CPLX1: variants seen among roughly 807,000 people sequenced by gnomAD.
CPLX1 encodes the protein complexin 1.
In CPLX1, 6 loss-of-function variants were observed where a neutral mutation model predicts 15.6. The ratio of observed to expected loss-of-function variants is 0.39; its 90% CI spans 0.21 to 0.76. The LOEUF (loss-of-function observed/expected upper bound fraction) is 0.76. Ranked by LOEUF, CPLX1 falls within the 30% of genes least tolerant of loss-of-function variation. CPLX1 has a pLI of 0.43. For synonymous variants in CPLX1, 91 were observed against 75.2 expected (o/e 1.21, Z -1.08); for missense variants, 242 against 188.6 (o/e 1.28, Z -1.66).
chr4:800,399 C>A lies in CPLX1; in HGVS notation c.32-7791G>T, dbSNP rs369805021. ...CCTGTAATCCCAGCACTTTGGGAGG[C>A]CAAGGCGGGCAGATGAATTGAGGTC... On this transcript the variant is annotated intron_variant, in intron 2 of 3. Coordinates refer to ENST00000304062, the MANE Select transcript of CPLX1 (RefSeq NM_006651.4). Among the ~76,000 whole-genome samples the A allele has an allele frequency of 1.3e-4, 19 of 151,860 alleles. No homozygotes were observed. The South Asian group carries it at 2.7e-3, about 22-fold the overall frequency.
intron 2 of CPLX1, among the ~76,000 whole-genome samples, chr4:810,920 C>T (rs1300073590): frequency 6.6e-6 from 1 of 152,068 alleles, no homozygotes; most frequent in Non-Finnish European, 1.5e-5. Context: ...TGGTCTCGAA[C>T]TCCTGAGCTC....
chr4:814,585 T>C (rs1746715342), intron 2 of CPLX1, among the ~76,000 whole-genome samples: 1 of 152,218 alleles, frequency 6.6e-6, no homozygotes, highest in Admixed American at 6.5e-5. Context: ...CACAGCATCC[T>C]CTCTGCCAGG....
intron 2 of CPLX1, among the ~76,000 whole-genome samples, chr4:797,583 C>A (rs1746366250): frequency 1.3e-5 from 2 of 151,850 alleles, no homozygotes; most frequent in African/African-American, 4.8e-5. Context: ...GCCTCGGCCT[C>A]CCAAAGTGCT....
chr4:788,564 C>T (rs1168844730), intron 3 of CPLX1: 13 of 985,294 alleles, frequency 1.3e-5, no homozygotes, highest in Non-Finnish European at 1.6e-5. Context: ...GGGCGACACC[C>T]AGAGGGCCCT....
In CPLX1 at chr4:786,591, G is replaced by A. The variant is rs1553851860; in HGVS notation, c.315C>T (p.Cys105=). The change falls in exon 4 of 4, where the codon TGC becomes TGT. Residue 105 remains cysteine (C), a synonymous_variant. Coordinates refer to ENST00000304062, the MANE Select transcript of CPLX1 (RefSeq NM_006651.4). ...TRPKKAIPPG[C]GDEVEEEDES... The stretch of plus-strand genomic sequence containing the variant: ...CGTCCTCCTCCTCCACCTCGTCCCC[G>A]CAGCCCGGCGGGATGGCCTTCTTGG... 10 of 1,611,086 alleles carry A rather than the reference G, an allele frequency of 6.2e-6. No individual in the cohort carries two copies. The highest frequency in any genetic ancestry group is 1.7e-4 in the Middle Eastern group (1 of 6,044).
chr4:793,087 T>C (rs530495977), intron 2 of CPLX1, among the ~76,000 whole-genome samples: 1 of 152,328 alleles, frequency 6.6e-6, no homozygotes, highest in East Asian at 1.9e-4. Context: ...TGTCGTCTTG[T>C]GGTTGCGCGT....
In CPLX1 at chr4:786,496, C is replaced by CGGG. The variant is rs757423908; in HGVS notation, c.*4_*5insCCC. 3.2e-6 allele frequency: 5 copies of CGGG among 1,559,730 alleles called. No homozygotes were observed. The highest frequency in any genetic ancestry group is 2.4e-5 in the East Asian group (1 of 42,076). On this transcript the variant is annotated 3_prime_UTR_variant, in exon 4 of 4. Transcript: ENST00000304062. ...GGCTCCGCGGGGCCGCTGTCCCGCG[C>CGGG]GCGGCTACTTCTTGAGCATGTCCTG...
chr4:787,327 G>C, intron 3 of CPLX1: 1 of 985,396 alleles, frequency 1.0e-6, no homozygotes, highest in Non-Finnish European at 1.2e-6. Context: ...GGGCCTCACC[G>C]ACCCCCTGCC....
chr4:787,766 A>G (rs1314797326), intron 3 of CPLX1: 6 of 984,906 alleles, frequency 6.1e-6, no homozygotes, highest in Non-Finnish European at 7.2e-6. Context: ...ACGCCTCCCC[A>G]CGCCACACTC....
intron 2 of CPLX1, among the ~76,000 whole-genome samples, chr4:807,814 A>C (rs926003270): frequency 2.6e-5 from 4 of 152,138 alleles, no homozygotes; most frequent in African/African-American, 9.7e-5. Context: ...AGAAGCATAA[A>C]TTTTAAATGA....
At chr4:802,510 A>G (rs576936018) in intron 2 of CPLX1, among the ~76,000 whole-genome samples, 1 of 152,364 alleles carries the variant, frequency 6.6e-6, no homozygotes, top group African/African-American at 2.4e-5. Flanking sequence ...TAGAGATATT[A>G]CAGGCCATTT....
At chr4:794,685 A>AATTT (rs1174135239) in intron 2 of CPLX1, among the ~76,000 whole-genome samples, 2 of 152,148 alleles carry the variant, frequency 1.3e-5, no homozygotes, top group African/African-American at 4.8e-5. Context: ...ATTCACCCTA[A>AATTT]AGTGAGTGAC....
At chr4:789,745 G>A (rs1263113534) in intron 3 of CPLX1, among the ~76,000 whole-genome samples, 1 of 152,180 alleles carries the variant, frequency 6.6e-6, no homozygotes, top group Non-Finnish European at 1.5e-5. Flanking sequence ...ACTGCCTAGG[G>A]GGCTGGACAC....
chr4:807,727 G>A (rs1320631329), intron 2 of CPLX1, among the ~76,000 whole-genome samples: 2 of 151,970 alleles, frequency 1.3e-5, no homozygotes, highest in East Asian at 3.9e-4. Context: ...CAGGTGATCC[G>A]CCGTCCTCGG....
At chr4:804,969 G>A in intron 2 of CPLX1, 1 of 983,978 alleles carries the variant, frequency 1.0e-6, no homozygotes, top group Non-Finnish European at 1.2e-6. Context: ...CTCCTGCGCG[G>A]CGGCCGGCTA....
intron 3 of CPLX1, among the ~76,000 whole-genome samples, chr4:791,791 G>C (rs149703512): frequency 2.0e-3 from 299 of 152,242 alleles, no homozygotes; most frequent in Non-Finnish European, 3.4e-3. Flanking sequence ...TTCTACGTGG[G>C]ATGTGAACAT....
intron 2 of CPLX1, among the ~76,000 whole-genome samples, chr4:818,776 C>G (rs144901906): frequency 6.6e-6 from 1 of 152,398 alleles, no homozygotes; most frequent in East Asian, 1.9e-4. Context: ...GCATCCTCTC[C>G]TGAAAGCGAG....
chr4:814,172 C>T (rs1746708583), intron 2 of CPLX1, among the ~76,000 whole-genome samples: 1 of 152,150 alleles, frequency 6.6e-6, no homozygotes, highest in South Asian at 2.1e-4. Context: ...AAGGGACCCA[C>T]ACTCCACTTC....
At chr4:824,976 G>A (rs1432104860) in intron 1 of CPLX1, 12 of 360,026 alleles carry the variant, frequency 3.3e-5, no homozygotes, top group South Asian at 1.5e-4. Flanking sequence ...CGGTGGTCCC[G>A]AGCCCAGGGC....
Sources: gnomAD v4.1 joint callset for allele counts (sites outside exome capture counted in the v4.1 genomes callset) on GRCh38, gnomAD v4.1.1 for gene constraint, MANE v1.5 for transcripts, NCBI Gene and HGNC (gene_info 2026-07-23, HGNC 2026-07-21) for gene names.